Variants in METTL24 observed in about 807,000 individuals in gnomAD.
The protein encoded by METTL24 is methyltransferase like 24.
A neutral mutation model predicts 32.7 loss-of-function variants in METTL24; 29 were observed. That is an observed-to-expected ratio of 0.89 (90% CI 0.66 to 1.21). METTL24 has a LOEUF of 1.21. Ranked by LOEUF, METTL24 falls within the 50% of genes most tolerant of loss-of-function variation. The probability of loss-of-function intolerance (pLI) is 0.00; values close to 1 mark genes in which losing one functional copy is unlikely to be tolerated. For missense variants in METTL24, 439 were observed against 468.1 expected, an observed-to-expected ratio of 0.94 and a Z score of 0.57; for synonymous variants, 163 against 179.5, an observed-to-expected ratio of 0.91 and a Z score of 0.73.
intron 3 of METTL24, among the ~76,000 whole-genome samples, chr6:110,300,242 TG>T (rs1771495580): frequency 1.3e-5 from 2 of 152,088 alleles, no homozygotes; most frequent in Admixed American, 1.3e-4. Context: ...TGATAGTTCG[TG>T]GATTTTGGTA....
chr6:110,327,513 C>A (rs932026616), intron 1 of METTL24, among the ~76,000 whole-genome samples: 1 of 152,098 alleles, frequency 6.6e-6, no homozygotes, highest in Non-Finnish European at 1.5e-5. Context: ...ATAGAAACAC[C>A]GCAAATAGAT....
At chr6:110,289,955 C>T (rs1246950567) in intron 4 of METTL24, among the ~76,000 whole-genome samples, 1 of 145,692 alleles carries the variant, frequency 6.9e-6, no homozygotes. Context: ...GGATATTGGT[C>T]AATTACTTTT....
chr6:110,315,523 G>A (rs1361964901), intron 2 of METTL24, 42 bp from the exon 3 acceptor site: 1 of 1,607,430 alleles, frequency 6.2e-7, no homozygotes, highest in South Asian at 1.1e-5. Context: ...TGAAATGTTG[G>A]ATGATAAATA....
At chr6:110,249,509 T>G (rs1352345217) in intron 4 of METTL24, among the ~76,000 whole-genome samples, 1 of 152,116 alleles carries the variant, frequency 6.6e-6, no homozygotes, top group Middle Eastern at 3.4e-3. Flanking sequence ...TAAAACATGC[T>G]CTGCTCTTCC....
At chr6:110,259,397 A>C (rs1409484741) in intron 4 of METTL24, among the ~76,000 whole-genome samples, 1 of 152,184 alleles carries the variant, frequency 6.6e-6, no homozygotes. Flanking sequence ...ATCAAACTGC[A>C]AGGCAGCGGT....
At chr6:110,348,321 T>C (rs1772521734) in intron 1 of METTL24, among the ~76,000 whole-genome samples, 2 of 152,258 alleles carry the variant, frequency 1.3e-5, no homozygotes, top group African/African-American at 4.8e-5. Context: ...ACTGCAAGTA[T>C]GAAAATATGA....
intron 4 of METTL24, among the ~76,000 whole-genome samples, chr6:110,283,018 C>T (rs1301893786): frequency 6.6e-6 from 1 of 152,052 alleles, no homozygotes; most frequent in Non-Finnish European, 1.5e-5. Context: ...TGAAAAATCT[C>T]AAGAATGAAA....
intron 1 of METTL24, among the ~76,000 whole-genome samples, chr6:110,340,251 A>G (rs9400375): frequency 0.36 from 48,887 of 136,946 alleles, 8,212 homozygotes; most frequent in South Asian, 0.45. Context: ...GGTGGTGAGG[A>G]GGGGTCCTGA....
Position 110,358,098 on chromosome 6 carries a change from G to C in METTL24, c.175C>G (p.Pro59Ala). The C allele has an allele frequency of 9.9e-7, 1 of 1,006,900 alleles. No individual in the cohort carries two copies. Among genetic ancestry groups the C allele is most frequent in the Non-Finnish European group, 1.2e-6 (1 of 845,570 alleles). The allele number at this position is 1,006,900 out of a possible 1,614,324, so 62.4% of individuals were successfully genotyped here. ...CCGCGCGGCTGGCCCGGCGCGGGCG[G>C]CAGGTGCGGCCCAGGTGGCCGCCAG... ...PAWRPPGPHL[P>A]PAPGQPRGAS... The change falls in exon 1 of 5, where the codon CCG (proline) becomes GCG (alanine). Residue 59 changes from proline to alanine, a missense_variant. By Grantham distance (27) the Pro-to-Ala change is conservative (BLOSUM62 -1). Coordinates refer to ENST00000338882, the MANE Select transcript of METTL24 (RefSeq NM_001123364.3).
chr6:110,313,048 C>T (rs969532274), intron 3 of METTL24, among the ~76,000 whole-genome samples: 1 of 152,212 alleles, frequency 6.6e-6, no homozygotes, highest in Non-Finnish European at 1.5e-5. Flanking sequence ...TGGGCATATG[C>T]CCTATGGAGA....
chr6:110,273,222 G>A lies in METTL24; in HGVS notation c.786+25700C>T, dbSNP rs143384926. Among the ~76,000 whole-genome samples, 856 of 152,168 alleles carry A rather than the reference G, an allele frequency of 5.6e-3. 8 individuals carry two copies. Among genetic ancestry groups the A allele is most frequent in the African/African-American group, 0.019 (781 of 41,522 alleles). ...CCCAGCCCCATTTATTGAATAGAGC[G>A]TCCTTTCCCTACTTTATGCTTTTGT... On this transcript the variant is annotated intron_variant, in intron 4 of 4. Transcript: ENST00000338882.
chr6:110,301,674 A>C (rs1486579617), intron 3 of METTL24, among the ~76,000 whole-genome samples: 1 of 152,222 alleles, frequency 6.6e-6, no homozygotes, highest in Non-Finnish European at 1.5e-5. Flanking sequence ...ACCTGCAGAC[A>C]TACAAGCAAC....
intron 1 of METTL24, among the ~76,000 whole-genome samples, chr6:110,336,613 G>A (rs1176499192): frequency 4.6e-5 from 7 of 152,014 alleles, no homozygotes; most frequent in Non-Finnish European, 2.9e-5. Flanking sequence ...GGTGGCGGGC[G>A]CCTGTAGCCC....
chr6:110,260,193 C>T lies in METTL24; in HGVS notation c.787-13933G>A, dbSNP rs553722579. Among the ~76,000 whole-genome samples, 21 of 152,186 alleles carry T rather than the reference C, an allele frequency of 1.4e-4. No homozygotes were observed. In the East Asian group the frequency reaches 3.5e-3, roughly 25 times the overall value. ...AACTAAAGGAGGAAGTTCGAACCCACGGCAAAGAAGATAAAAACTTTGAAA... is the reference window on the plus strand; with the variant it reads ...AACTAAAGGAGGAAGTTCGAACCCATGGCAAAGAAGATAAAAACTTTGAAA... On this transcript the variant is annotated intron_variant, in intron 4 of 4. Transcript: ENST00000338882.
rs946597728 is a variant in METTL24, at chr6:110,244,120, G to A, written c.*1826C>T. On this transcript the variant is annotated 3_prime_UTR_variant, in exon 5 of 5. Transcript: ENST00000338882. ...TCTAACTATCCTACGAAAGTGAGAC[G>A]ATGGTCTTCAGGCCACAATCATGTA... is the stretch of plus-strand genomic sequence containing the variant. Among the ~76,000 whole-genome samples the A allele has an allele frequency of 4.6e-5, 7 of 152,186 alleles. No individual in the cohort carries two copies. Among genetic ancestry groups the A allele is most frequent in the Admixed American group, 4.6e-4 (7 of 15,278 alleles).
intron 1 of METTL24, among the ~76,000 whole-genome samples, chr6:110,334,154 C>T (rs937518024): frequency 6.6e-6 from 1 of 152,122 alleles, no homozygotes; most frequent in Non-Finnish European, 1.5e-5. Flanking sequence ...CTCCATCTTC[C>T]CCACGAGAGA....
At chr6:110,286,816 C>A (rs1771229801) in intron 4 of METTL24, among the ~76,000 whole-genome samples, 13 of 152,156 alleles carry the variant, frequency 8.5e-5, no homozygotes, top group Admixed American at 7.9e-4. Context: ...GCCAGCAAAG[C>A]TAGAATGTAA....
At chr6:110,267,452 T>C (rs1770876291) in intron 4 of METTL24, among the ~76,000 whole-genome samples, 1 of 152,212 alleles carries the variant, frequency 6.6e-6, no homozygotes, top group South Asian at 2.1e-4. Flanking sequence ...CAGATATAGA[T>C]TAGATAAAAA....
chr6:110,305,694 G>A (rs940688559), intron 3 of METTL24, among the ~76,000 whole-genome samples: 1 of 152,046 alleles, frequency 6.6e-6, no homozygotes, highest in Non-Finnish European at 1.5e-5. Flanking sequence ...TGGAGAGGAT[G>A]TGGTGAAATA....
Sources: gnomAD v4.1 joint callset for allele counts (sites outside exome capture counted in the v4.1 genomes callset) on GRCh38, gnomAD v4.1.1 for gene constraint, MANE v1.5 for transcripts, NCBI Gene and HGNC (gene_info 2026-07-23, HGNC 2026-07-21) for gene names.